ECT2: variants seen among roughly 807,000 people sequenced by gnomAD.
ECT2 encodes the protein protein ECT2.
ECT2 carries 61 observed loss-of-function variants against 116.9 expected under a neutral mutation model. That is an observed-to-expected ratio of 0.52 (90% CI 0.42 to 0.65). ECT2 has a LOEUF of 0.65. ECT2 is among the 30% of genes least tolerant of loss of function. The pLI, the probability that ECT2 is intolerant of heterozygous loss-of-function variation, is 0.00. For missense variants in ECT2, 937 were observed against 1,078.7 expected (o/e 0.87, Z 1.84); for synonymous variants, 358 against 346.4 (o/e 1.03, Z -0.37).
chr3:172,760,152 T>C lies in ECT2; in HGVS notation c.577-4T>C, dbSNP rs1468792818. 1 of 1,584,522 alleles carries C rather than the reference T, an allele frequency of 6.3e-7. No homozygotes were observed. The highest frequency in any genetic ancestry group is 8.6e-7 in the Non-Finnish European group (1 of 1,164,848). Reference sequence around the variant, plus strand: ...AGTCAGTGTTGCTTAATTTTTCTTTTGAGGTCAGGTTGGTGACATTGGTCC... The same window carrying C: ...AGTCAGTGTTGCTTAATTTTTCTTTCGAGGTCAGGTTGGTGACATTGGTCC... On this transcript the variant is annotated splice_region_variant and splice_polypyrimidine_tract_variant and intron_variant, in intron 6 of 24. Transcript: ENST00000392692.
chr3:172,776,191 G>GTTTTT (rs1294531373), intron 14 of ECT2, among the ~76,000 whole-genome samples: 2 of 106,982 alleles, frequency 1.9e-5, no homozygotes, highest in African/African-American at 8.0e-5. Flanking sequence ...TAGTTTTTCA[G>GTTTTT]TTTTTTCTTT....
chr3:172,764,854 A>G (rs1365482552), intron 12 of ECT2, among the ~76,000 whole-genome samples: 2 of 152,230 alleles, frequency 1.3e-5, no homozygotes, highest in African/African-American at 2.4e-5. Context: ...GGGAGGTCAC[A>G]TAAATTATGG....
intron 13 of ECT2, among the ~76,000 whole-genome samples, chr3:172,769,474 T>A (rs944901406): frequency 6.6e-6 from 1 of 152,166 alleles, no homozygotes; most frequent in Non-Finnish European, 1.5e-5. Context: ...AGATAACTTT[T>A]TCTGAAAGTA....
chr3:172,828,418 G>T, the ECT2 span, among the ~76,000 whole-genome samples: 1 of 151,906 alleles, frequency 6.6e-6, no homozygotes, highest in African/African-American at 2.4e-5. Context: ...AATACAAAGG[G>T]TCAAGAATAA....
intron 23 of ECT2, 37 bp from the exon 24 acceptor site, chr3:172,816,653 AT>A (rs1729769842): frequency 1.3e-6 from 2 of 1,525,336 alleles, no homozygotes; most frequent in Non-Finnish European, 1.8e-6. Context: ...GCTGTATTGA[AT>A]TTGTCTAGGT....
chr3:172,783,492 T>A (rs1344592468), intron 15 of ECT2, among the ~76,000 whole-genome samples: 1 of 152,178 alleles, frequency 6.6e-6, no homozygotes, highest in Non-Finnish European at 1.5e-5. Flanking sequence ...GTAATTGATA[T>A]TTTTTAAAGT....
chr3:172,778,870 C>T (rs1301256954), intron 14 of ECT2, among the ~76,000 whole-genome samples: 1 of 152,144 alleles, frequency 6.6e-6, no homozygotes, highest in Non-Finnish European at 1.5e-5. Context: ...GCTGGGATTA[C>T]AGGCATGAGC....
chr3:172,768,089 CT>C (rs1560268197), intron 12 of ECT2, among the ~76,000 whole-genome samples: 5 of 152,200 alleles, frequency 3.3e-5, no homozygotes. Context: ...CCTCCTTCCA[CT>C]CTGTACTGGT....
At chr3:172,766,618 T>G (rs1306877247) in intron 12 of ECT2, among the ~76,000 whole-genome samples, 1 of 151,916 alleles carries the variant, frequency 6.6e-6, no homozygotes, top group Non-Finnish European at 1.5e-5. Flanking sequence ...AGGGAGGAAA[T>G]AAAAAGAGAT....
At chr3:172,762,394 G>A (rs753507457) in intron 8 of ECT2, 22 bp from the exon 9 acceptor site, 5 of 1,583,422 alleles carry the variant, frequency 3.2e-6, no homozygotes, top group Middle Eastern at 2.3e-4. Flanking sequence ...ACTGGTTTTG[G>A]AAGAGTGTAT....
intron 12 of ECT2, among the ~76,000 whole-genome samples, chr3:172,766,419 T>G (rs936201681): frequency 1.7e-4 from 26 of 152,332 alleles, no homozygotes; most frequent in African/African-American, 6.3e-4. Flanking sequence ...AGAAATTGAT[T>G]GAATAGATAA....
chr3:172,774,405 C>T (rs111837132), intron 14 of ECT2, among the ~76,000 whole-genome samples: 1,568 of 152,082 alleles, frequency 0.01, 33 homozygotes, highest in African/African-American at 0.035. Flanking sequence ...TGTCATGCTG[C>T]CCAGGCTGGT....
intron 22 of ECT2, among the ~76,000 whole-genome samples, chr3:172,811,590 T>G (rs550005421): frequency 6.6e-6 from 1 of 152,306 alleles, no homozygotes; most frequent in Admixed American, 6.5e-5. Flanking sequence ...TATTAATACT[T>G]AGTCATAGTT....
chr3:172,776,109 G>T (rs1451449664), intron 14 of ECT2, among the ~76,000 whole-genome samples: 1 of 150,782 alleles, frequency 6.6e-6, no homozygotes, highest in Admixed American at 6.6e-5. Context: ...TTGAAAATTT[G>T]TCACCCTTTA....
Position 172,791,713 on chromosome 3 carries a change from C to G in ECT2, c.1907+5139C>G, listed in dbSNP as rs111254041. ...TCTGGATTGTTAAGGCTGGTCTGAT[C>G]TTCTGTCTGGACCACTCAGACATTC... On this transcript the variant is annotated intron_variant, in intron 18 of 24. Transcript: ENST00000392692. Among the ~76,000 whole-genome samples, 1,245 of 152,290 alleles carry G rather than the reference C, an allele frequency of 8.2e-3. 15 individuals are homozygous for G. The highest frequency in any genetic ancestry group is 0.045 in the South Asian group (218 of 4,824).
chr3:172,761,724 A>G (rs1218409087), intron 8 of ECT2, 41 bp downstream of exon 8: 21 of 1,387,914 alleles, frequency 1.5e-5, no homozygotes, highest in Non-Finnish European at 2.1e-5. Context: ...TGTAAATTAA[A>G]CATTCTGGTT....
intron 13 of ECT2, 70 bp downstream of exon 13, chr3:172,769,213 T>A: frequency 7.2e-7 from 1 of 1,396,776 alleles, no homozygotes. Context: ...TAGGTGATAT[T>A]GTTTCTTACG....
rs71162310 is a variant in ECT2, at chr3:172,789,057, C to CAAA, written c.1907+2499_1907+2501dup. On this transcript the variant is annotated intron_variant, in intron 18 of 24. Transcript: ENST00000392692. Reference sequence around the variant, plus strand: ...TGGATGACAGAGCAAGACTCTGTCTCAAAAAAAAAAAAAAAAAAGCTAACA... The same window carrying CAAA: ...TGGATGACAGAGCAAGACTCTGTCTCAAAAAAAAAAAAAAAAAAAAAGCTAACA... Among the ~76,000 whole-genome samples the CAAA allele has an allele frequency of 2.6e-3, 258 of 99,442 alleles. 4 individuals carry two copies. The highest frequency in any genetic ancestry group is 0.011 in the African/African-American group (235 of 22,040). The allele number at this position is 99,442 out of a possible 152,430, so 65.2% of individuals were successfully genotyped here. A position where few individuals can be genotyped will look rare whatever the true frequency, so the allele number is the denominator to read the frequency against.
chr3:172,762,986 C>T lies in ECT2; in HGVS notation c.1068+14C>T, dbSNP rs745685915. Reference sequence around the variant, plus strand: ...TTATATGAAAAGGTATGCTTTTAACCCCTTACTTATTTGTTCTGTGAGCTT... The same window carrying T: ...TTATATGAAAAGGTATGCTTTTAACTCCTTACTTATTTGTTCTGTGAGCTT... On this transcript the variant is annotated intron_variant, in intron 11 of 24. Transcript: ENST00000392692. 3 of 1,612,332 alleles carry T rather than the reference C, an allele frequency of 1.9e-6. No individual in the cohort carries two copies. Among genetic ancestry groups the T allele is most frequent in the Non-Finnish European group, 2.5e-6 (3 of 1,179,010 alleles).
Sources: gnomAD v4.1 joint callset for allele counts (sites outside exome capture counted in the v4.1 genomes callset) on GRCh38, gnomAD v4.1.1 for gene constraint, MANE v1.5 for transcripts, NCBI Gene and HGNC (gene_info 2026-07-23, HGNC 2026-07-21) for gene names.